Variants in L1TD1 observed in about 807,000 individuals in gnomAD.
L1TD1 encodes LINE-1 type transposase domain-containing protein 1.
A neutral mutation model predicts 25.7 loss-of-function variants in L1TD1; 26 were observed. That is an observed-to-expected ratio of 1.01 (90% CI 0.74 to 1.40). L1TD1 has a LOEUF of 1.40. L1TD1 is among the 40% of genes most tolerant of loss of function. The pLI is 0.00. For synonymous variants in L1TD1, 421 were observed against 335.6 expected (o/e 1.25, Z -2.78); for missense variants, 1,130 against 975.0 (o/e 1.16, Z -2.12).
intron 2 of L1TD1, among the ~76,000 whole-genome samples, chr1:62,205,452 T>TTTTTTTTTTTTTTTTA (rs1317584007): frequency 8.0e-6 from 1 of 125,194 alleles, no homozygotes; most frequent in African/African-American, 3.1e-5. Context: ...TATTTTTTTT[T>TTTTTTTTTTTTTTTTA]AGACAGTCTT....
rs1226200171 is a variant in L1TD1 at position 62,210,602 on chromosome 1, A to C, written c.1828A>C (p.Thr610Pro). 1.6e-5 allele frequency: 26 copies of C among 1,608,872 alleles called. No homozygotes were observed. Among genetic ancestry groups the C allele is most frequent in the Non-Finnish European group, 1.8e-5 (21 of 1,177,256 alleles). ...EELTSKEADL[T>P]EETEENLRSS... ...ACTAACATCCAAAGAAGCAGACTTA[A>C]CAGAGGAAACAGAAGAAAACTTGAG... is the stretch of plus-strand genomic sequence containing the variant. The change falls in exon 4 of 4, where the codon ACA becomes CCA. Residue 610 changes from threonine to proline, a missense_variant. Thr to Pro is a conservative substitution (Grantham distance 38). Transcript: ENST00000498273.
intron 2 of L1TD1, among the ~76,000 whole-genome samples, chr1:62,198,699 C>A (rs1009943655): frequency 2.0e-5 from 3 of 152,182 alleles, no homozygotes; most frequent in Non-Finnish European, 4.4e-5. Context: ...GCCCTCCCAA[C>A]CCCCAGTCCC....
At chr1:62,199,689 ATAACT>A (rs1670606792) in intron 2 of L1TD1, among the ~76,000 whole-genome samples, 1 of 152,140 alleles carries the variant, frequency 6.6e-6, no homozygotes, top group Non-Finnish European at 1.5e-5. Flanking sequence ...TTTAAAAAAA[ATAACT>A]TAATTTCGAG....
chr1:62,211,272 T>C lies in L1TD1; in HGVS notation c.2498T>C (p.Phe833Ser). 6.2e-7 allele frequency: 1 copy of C among 1,610,186 alleles called. No individual in the cohort carries two copies. The highest frequency in any genetic ancestry group is 8.5e-7 in the Non-Finnish European group (1 of 1,177,810). ...ILYPAKMAFD[F>S]RGKTKVFLSI... ...TATCCAGCCAAAATGGCATTTGATTTTAGGGGTAAAACAAAGGTATTTCTT... is the reference window on the plus strand; with the variant it reads ...TATCCAGCCAAAATGGCATTTGATTCTAGGGGTAAAACAAAGGTATTTCTT... Residue 833 changes from phenylalanine (F) to serine (S), a missense_variant, in exon 4 of 4, where the codon TTT (phenylalanine) becomes TCT (serine). Transcript: ENST00000498273.
intron 2 of L1TD1, among the ~76,000 whole-genome samples, chr1:62,201,967 T>G (rs1485219894): frequency 6.6e-6 from 1 of 152,214 alleles, no homozygotes; most frequent in Non-Finnish European, 1.5e-5. Flanking sequence ...TTGATTAGAT[T>G]CAGACACTAC....
chr1:62,205,828 C>T (rs1670734671), intron 2 of L1TD1, among the ~76,000 whole-genome samples: 1 of 152,082 alleles, frequency 6.6e-6, no homozygotes, highest in African/African-American at 2.4e-5. Context: ...ACTTTCCAGG[C>T]TCAAGTCATC....
intron 2 of L1TD1, among the ~76,000 whole-genome samples, chr1:62,205,383 CTCTCTTTCT>C (rs1670717820): frequency 9.2e-5 from 5 of 54,094 alleles, no homozygotes; most frequent in African/African-American, 1.5e-4. Flanking sequence ...TTCTCTCTCT[CTCTCTTTCT>C]CTCTCTCTCT....
At chr1:62,196,120 G>A (rs6656763) in intron 1 of L1TD1, among the ~76,000 whole-genome samples, 110,559 of 152,022 alleles carry the variant, frequency 0.73, 40,276 homozygotes, top group Admixed American at 0.78. Context: ...AATTTCCTCC[G>A]ATTGTTAGGC....
At chr1:62,200,767 A>G (rs1179292999) in intron 2 of L1TD1, among the ~76,000 whole-genome samples, 1 of 152,086 alleles carries the variant, frequency 6.6e-6, no homozygotes, top group Non-Finnish European at 1.5e-5. Context: ...GAAATGTTTA[A>G]TAACTATTCC....
chr1:62,204,733 C>G (rs1294914672), intron 2 of L1TD1, among the ~76,000 whole-genome samples: 2 of 152,050 alleles, frequency 1.3e-5, no homozygotes, highest in Non-Finnish European at 2.9e-5. Flanking sequence ...GAGCATATAT[C>G]TTTTGCCCTG....
intron 2 of L1TD1, among the ~76,000 whole-genome samples, chr1:62,198,457 AAAAG>A (rs1005363401): frequency 3.3e-5 from 5 of 151,668 alleles, no homozygotes; most frequent in Non-Finnish European, 5.9e-5. Context: ...AAAAAAAAAA[AAAAG>A]AAGAAAAGAG....
At chr1:62,204,715 T>G (rs886680670) in intron 2 of L1TD1, among the ~76,000 whole-genome samples, 1 of 152,054 alleles carries the variant, frequency 6.6e-6, no homozygotes, top group Non-Finnish European at 1.5e-5. Context: ...AATTCTTGGT[T>G]GGGTGCTGAG....
rs1670757529 is a variant in L1TD1, at chr1:62,206,888, T to TA, written c.261dup (p.Pro88ThrfsTer2). 1 of 1,613,672 alleles carries TA rather than the reference T, an allele frequency of 6.2e-7. No homozygotes were observed. The highest frequency in any genetic ancestry group is 8.5e-7 in the Non-Finnish European group (1 of 1,179,832). On this transcript the variant is annotated frameshift_variant, in exon 3 of 4. Coordinates refer to ENST00000498273, the MANE Select transcript of L1TD1 (RefSeq NM_019079.5). LOFTEE classifies it high-confidence loss of function. ...GCAGTTTTAGGGGGAAAAGCTACAA[T>TA]ACCTGAGGTAAAGAATTCAGAGAAC... is the stretch of plus-strand genomic sequence containing the variant.
chr1:62,205,632 C>A (rs1670731659), intron 2 of L1TD1, among the ~76,000 whole-genome samples: 1 of 151,030 alleles, frequency 6.6e-6, no homozygotes, highest in Non-Finnish European at 1.5e-5. Flanking sequence ...GGTTTTGCCA[C>A]GTTGGCCAGG....
Position 62,206,604 on chromosome 1 carries a change from A to G in L1TD1, c.-25A>G, listed in dbSNP as rs1450426941. The G allele has an allele frequency of 8.4e-6, 12 of 1,436,046 alleles. No individual in the cohort carries two copies. In the East Asian group the frequency reaches 3.0e-4, roughly 36 times the overall value. The allele number at this position is 1,436,046 out of a possible 1,614,324, so 89.0% of individuals were successfully genotyped here. ...TCATTCTGTAGGAATTAAAAACAGA[A>G]TCCAGTCTTGACAACATATCCACAA... is the stretch of plus-strand genomic sequence containing the variant. On this transcript the variant is annotated 5_prime_UTR_variant, in exon 3 of 4. Transcript: ENST00000498273.
chr1:62,205,404 TC>T (rs1670720401), intron 2 of L1TD1, among the ~76,000 whole-genome samples: 1 of 46,636 alleles, frequency 2.1e-5, no homozygotes, highest in South Asian at 8.1e-4. Flanking sequence ...TCTCTCTCTC[TC>T]TCTCTCTCTC....
In L1TD1 at chr1:62,211,173, C is replaced by G; in HGVS notation, c.2399C>G (p.Thr800Arg). ...TTGACAGCAGACTTATCACTGGACA[C>G]ACTGGATGCTAGAAGTAAATGGAGC... ...IRLTADLSLD[T>R]LDARSKWSNV... The change falls in exon 4 of 4, where the codon ACA becomes AGA. Residue 800 changes from threonine (T) to arginine (R), a missense_variant. Physicochemically the swap from Thr to Arg is moderately conservative, Grantham distance 71. Coordinates refer to ENST00000498273, the MANE Select transcript of L1TD1 (RefSeq NM_019079.5). 1 of 1,551,386 alleles carries G rather than the reference C, an allele frequency of 6.4e-7. No homozygotes were observed. Among genetic ancestry groups the G allele is most frequent in the African/African-American group, 1.4e-5 (1 of 73,110 alleles).
intron 2 of L1TD1, among the ~76,000 whole-genome samples, chr1:62,197,984 T>G (rs899133282): frequency 6.6e-6 from 1 of 152,034 alleles, no homozygotes; most frequent in Admixed American, 6.6e-5. Context: ...ATATGGCATG[T>G]CACACATAGA....
chr1:62,200,067 A>G (rs1222170669), intron 2 of L1TD1, among the ~76,000 whole-genome samples: 2 of 152,182 alleles, frequency 1.3e-5, no homozygotes, highest in African/African-American at 4.8e-5. Flanking sequence ...TGATTCTAAT[A>G]TACTCTTATT....
Sources: gnomAD v4.1 joint callset for allele counts (sites outside exome capture counted in the v4.1 genomes callset) on GRCh38, gnomAD v4.1.1 for gene constraint, MANE v1.5 for transcripts, NCBI Gene and HGNC (gene_info 2026-07-23, HGNC 2026-07-21) for gene names.